SH3TC1: variants seen among roughly 807,000 people sequenced by gnomAD.
SH3TC1 encodes SH3 domain and tetratricopeptide repeat-containing protein 1.
SH3TC1 carries 135 observed loss-of-function variants against 117.3 expected under a neutral mutation model. The observed-to-expected ratio is 1.15, with a 90% confidence interval of 1.00 to 1.33. SH3TC1 has a LOEUF of 1.33. Ranked by LOEUF, SH3TC1 falls within the 40% of genes most tolerant of loss-of-function variation. SH3TC1 has a pLI of 0.00. For synonymous variants in SH3TC1, 898 were observed against 816.9 expected (o/e 1.10, Z -1.69); for missense variants, 2,092 against 1,794.3 (o/e 1.17, Z -3.00).
At chr4:8,230,783 CTTTTTT>C (rs59242411) in intron 12 of SH3TC1, among the ~76,000 whole-genome samples, 2 of 134,168 alleles carry the variant, frequency 1.5e-5, no homozygotes, top group Non-Finnish European at 3.1e-5. Flanking sequence ...ATATGCTGTG[CTTTTTT>C]TTTTTTTTTT....
intron 9 of SH3TC1, among the ~76,000 whole-genome samples, chr4:8,219,957 C>T (rs999835768): frequency 4.6e-5 from 7 of 152,160 alleles, no homozygotes; most frequent in African/African-American, 7.2e-5. Flanking sequence ...TGGCCGTGGG[C>T]GTTCCTTGAC....
chr4:8,210,987 T>G lies in SH3TC1; in HGVS notation c.247+1165T>G, dbSNP rs1051696445. 1.3e-5 allele frequency among the ~76,000 whole-genome samples: 2 copies of G among 151,678 alleles called. No individual in the cohort carries two copies. The highest frequency in any genetic ancestry group is 2.9e-5 in the Non-Finnish European group (2 of 67,980). ...GTGAGAATCCATCTCTGTCTCTGTC[T>G]CATTTCCATCTGTCTCTCCCTCCCA... On this transcript the variant is annotated intron_variant, in intron 3 of 17. Coordinates refer to ENST00000245105, the MANE Select transcript of SH3TC1 (RefSeq NM_018986.5). The surrounding 1 kb of genome is among the most constrained non-coding windows in gnomAD (Gnocchi z 4.1).
rs138612545 is a variant in SH3TC1, at chr4:8,219,493, C to A, written c.1075C>A (p.Arg359=). 4 of 1,594,814 alleles carry A rather than the reference C, an allele frequency of 2.5e-6. No homozygotes were observed. The highest frequency in any genetic ancestry group is 2.2e-5 in the South Asian group (2 of 89,826). ...HAASGRVGFV[R]SSLISMQGPV... ...AGCCTCGGGCCGGGTGGGGTTTGTG[C>A]GGAGCAGCCTCATCAGCATGCAGGG... The change falls in exon 9 of 18, where the codon CGG becomes AGG. Residue 359 remains arginine, a synonymous_variant. Transcript: ENST00000245105.
At chr4:8,199,744 G>A (rs547697062) in intron 1 of SH3TC1, among the ~76,000 whole-genome samples, 17 of 152,306 alleles carry the variant, frequency 1.1e-4, no homozygotes, top group Non-Finnish European at 1.2e-4. Flanking sequence ...CCAGCCTGTC[G>A]CTGGATTCCA....
Position 8,240,950 on chromosome 4 carries a change from C to T in SH3TC1, c.4006C>T (p.Arg1336Cys), listed in dbSNP as rs780527919. The change falls in exon 18 of 18, where the codon CGC becomes TGC. Residue 1336 changes from arginine (R) to cysteine (C), a missense_variant. Coordinates refer to ENST00000245105, the MANE Select transcript of SH3TC1 (RefSeq NM_018986.5). Reference sequence around the variant, plus strand: ...CCCCTGGTTGGCCCCCAGCCACCCTCGCTGAGGACAGCATCCAAGGGAGTG... The same window carrying T: ...CCCCTGGTTGGCCCCCAGCCACCCTTGCTGAGGACAGCATCCAAGGGAGTG... ...WAPWLAPSHPR is the reference protein window; with the variant it reads ...WAPWLAPSHPC 3.9e-5 allele frequency: 62 copies of T among 1,609,482 alleles called. No individual in the cohort carries two copies. Among genetic ancestry groups the T allele is most frequent in the South Asian group, 8.8e-5 (8 of 91,074 alleles).
In SH3TC1 at chr4:8,205,534, C is replaced by G. The variant is rs770870242; in HGVS notation, c.172+168C>G. ...GTTTCCTTCCCCCGCGTGTGTTTAACAGGAGCCACTGTGCCCGCTGAGTCA... is the reference window on the plus strand; with the variant it reads ...GTTTCCTTCCCCCGCGTGTGTTTAAGAGGAGCCACTGTGCCCGCTGAGTCA... On this transcript the variant is annotated intron_variant, in intron 2 of 17. Transcript: ENST00000245105. The surrounding 1 kb of genome is among the most constrained non-coding windows in gnomAD (Gnocchi z 5.4). The G allele has an allele frequency of 9.1e-6, 9 of 984,220 alleles. No homozygotes were observed. In the South Asian group the frequency reaches 1.1e-4, roughly 12 times the overall value. The allele number at this position is 984,220 out of a possible 1,614,324, so 61.0% of individuals were successfully genotyped here. A position where few individuals can be genotyped will look rare whatever the true frequency, so the allele number is the denominator to read the frequency against.
chr4:8,238,415 C>G (rs1189897213), intron 17 of SH3TC1, among the ~76,000 whole-genome samples: 3 of 152,314 alleles, frequency 2.0e-5, no homozygotes, highest in South Asian at 4.1e-4. Flanking sequence ...TGTCCCCACC[C>G]CCTTGCCCAG....
chr4:8,227,019 C>G lies in SH3TC1; in HGVS notation c.1325C>G (p.Thr442Ser). 6.4e-7 allele frequency: 1 copy of G among 1,571,740 alleles called. No individual in the cohort carries two copies. Among genetic ancestry groups the G allele is most frequent in the South Asian group, 1.2e-5 (1 of 86,168 alleles). The change falls in exon 12 of 18, where the codon ACC becomes AGC. Residue 442 changes from threonine to serine, a missense_variant. Coordinates refer to ENST00000245105, the MANE Select transcript of SH3TC1 (RefSeq NM_018986.5). Reference sequence around the variant, plus strand: ...TGCCTGAGCCTGGAGCCACAGGAGACCTTGCAGAAGGTGAAGAATGTTCTG... The same window carrying G: ...TGCCTGAGCCTGGAGCCACAGGAGAGCTTGCAGAAGGTGAAGAATGTTCTG... ...PPCLSLEPQE[T>S]LQKVKNVLEQ...
chr4:8,225,118 A>G lies in SH3TC1; in HGVS notation c.1244-57A>G. ...AACATCGACACTAGCTCAACCTGGC[A>G]GGGGACCAGAGGTACTGGCTGGGGG... On this transcript the variant is annotated intron_variant, in intron 10 of 17. Coordinates refer to ENST00000245105, the MANE Select transcript of SH3TC1 (RefSeq NM_018986.5). The surrounding 1 kb of genome is among the most constrained non-coding windows in gnomAD (Gnocchi z 5.5). 2 of 1,603,524 alleles carry G rather than the reference A, an allele frequency of 1.2e-6. No individual in the cohort carries two copies. Among genetic ancestry groups the G allele is most frequent in the East Asian group, 2.2e-5 (1 of 44,714 alleles).
intron 15 of SH3TC1, 67 bp from the exon 16 acceptor site, chr4:8,236,211 G>A: frequency 2.0e-6 from 3 of 1,477,954 alleles, no homozygotes; most frequent in Non-Finnish European, 2.7e-6. Context: ...ACATGTTTGA[G>A]CTCTGAGGAG....
At chr4:8,222,361 GTTTTTTTTTTTTT>G (rs5856006) in intron 9 of SH3TC1, among the ~76,000 whole-genome samples, 11 of 40,320 alleles carry the variant, frequency 2.7e-4, no homozygotes, top group South Asian at 2.8e-3. Context: ...TCAGGATCTG[GTTTTTTTTTTTTT>G]TTTTTTTTTT....
intron 15 of SH3TC1, 66 bp downstream of exon 15, chr4:8,235,621 G>T (rs937126280): frequency 5.4e-6 from 8 of 1,489,900 alleles, no homozygotes; most frequent in Non-Finnish European, 7.2e-6. Flanking sequence ...TGAGGCACAG[G>T]TGTGGCAGGG....
chr4:8,218,306 A>G lies in SH3TC1; in HGVS notation c.875A>G (p.Asp292Gly). The change falls in exon 8 of 18, where the codon GAT (aspartate) becomes GGT (glycine). Residue 292 changes from aspartate to glycine, a missense_variant. Coordinates refer to ENST00000245105, the MANE Select transcript of SH3TC1 (RefSeq NM_018986.5). ...ALRIPQDPID[D>G]AMGGPVMPGN... is the part of the protein sequence containing the mutation. Reference sequence around the variant, plus strand: ...AGGATCCCCCAGGACCCCATCGACGATGCCATGGGTGGCCCTGTGATGCCC... The same window carrying G: ...AGGATCCCCCAGGACCCCATCGACGGTGCCATGGGTGGCCCTGTGATGCCC... The G allele has an allele frequency of 6.2e-7, 1 of 1,612,240 alleles. No individual in the cohort carries two copies. Among genetic ancestry groups the G allele is most frequent in the Non-Finnish European group, 8.5e-7 (1 of 1,178,612 alleles).
chr4:8,204,826 G>A (rs1003958001), intron 1 of SH3TC1: 15 of 191,064 alleles, frequency 7.9e-5, no homozygotes, highest in African/African-American at 2.8e-4. Context: ...TGGGTGTGAC[G>A]GCCCAGCAAA....
intron 1 of SH3TC1, among the ~76,000 whole-genome samples, chr4:8,185,305 C>T (rs1033406927): frequency 3.3e-5 from 5 of 152,156 alleles, no homozygotes; most frequent in South Asian, 2.1e-4. Context: ...AGTTACACTA[C>T]AGCCTGGGCA....
chr4:8,215,264 C>T (rs1477454081), intron 5 of SH3TC1: 19 of 456,076 alleles, frequency 4.2e-5, no homozygotes, highest in Non-Finnish European at 7.9e-5. Context: ...CTGGCACATT[C>T]CCTGTTCCAT....
intron 13 of SH3TC1, chr4:8,232,838 G>A: frequency 1.6e-6 from 2 of 1,273,534 alleles, no homozygotes; most frequent in Non-Finnish European, 2.0e-6. Flanking sequence ...ATGGGCCAGT[G>A]TGTTAGAGCC....
Position 8,227,431 on chromosome 4 carries a change from C to T in SH3TC1, c.1737C>T (p.Ala579=), listed in dbSNP as rs1380654579. Residue 579 remains alanine (A), a synonymous_variant, in exon 12 of 18, where the codon GCC becomes GCT. Coordinates refer to ENST00000245105, the MANE Select transcript of SH3TC1 (RefSeq NM_018986.5). ...LCSRRLKLSQ[A]RVYFEEALGA... ...GCAGGAGGCTCAAGCTGTCCCAGGC[C>T]CGGGTGTACTTTGAGGAAGCGCTGG... 7 of 1,557,238 alleles carry T rather than the reference C, an allele frequency of 4.5e-6. No individual in the cohort carries two copies. The African/African-American group carries it at 5.5e-5, about 12-fold the overall frequency.
chr4:8,215,852 C>T (rs1372519252), intron 5 of SH3TC1, among the ~76,000 whole-genome samples: 1 of 152,208 alleles, frequency 6.6e-6, no homozygotes, highest in South Asian at 2.1e-4. Flanking sequence ...AATATGGAGG[C>T]GTGGAGAGGT....
Sources: gnomAD v4.1 joint callset for allele counts (sites outside exome capture counted in the v4.1 genomes callset) on GRCh38, gnomAD v4.1.1 for gene constraint, Gnocchi (gnomAD v3.1) non-coding constraint, MANE v1.5 for transcripts, NCBI Gene and HGNC (gene_info 2026-07-23, HGNC 2026-07-21) for gene names.